The following HYCC1 variants were observed in gnomAD, a reference collection of about 807,000 sequenced individuals.
HYCC1 encodes hyccin.
At chr7:22,987,244 A>C in the HYCC1 span, among the ~76,000 whole-genome samples, 1 of 152,226 alleles carries the variant, frequency 6.6e-6, no homozygotes, top group African/African-American at 2.4e-5. Flanking sequence ...CTAATCATTT[A>C]GTTGGTACAT....
chr7:23,004,892 G>A, the HYCC1 span, among the ~76,000 whole-genome samples: 5 of 152,118 alleles, frequency 3.3e-5, no homozygotes, highest in Non-Finnish European at 7.4e-5. Flanking sequence ...TGCAACCAGT[G>A]CCTCCCGGGT....
the HYCC1 span, among the ~76,000 whole-genome samples, chr7:22,950,129 T>C: frequency 1.3e-5 from 2 of 152,086 alleles, no homozygotes; most frequent in Admixed American, 6.6e-5. Flanking sequence ...ACTGTCTTAC[T>C]GCTGTCCTGG....
the HYCC1 span, among the ~76,000 whole-genome samples, chr7:22,923,727 A>G: frequency 4.1e-4 from 62 of 152,316 alleles, no homozygotes; most frequent in African/African-American, 1.4e-3. Flanking sequence ...TACTGGCCTT[A>G]CAAAATAAAG....
the HYCC1 span, among the ~76,000 whole-genome samples, chr7:22,914,341 T>A: frequency 6.6e-6 from 1 of 152,116 alleles, no homozygotes; most frequent in Non-Finnish European, 1.5e-5. Context: ...GTCTCTACCC[T>A]CTCTTTTCTC....
chr7:22,988,174 C>G, the HYCC1 span, among the ~76,000 whole-genome samples: 2 of 152,118 alleles, frequency 1.3e-5, no homozygotes, highest in Non-Finnish European at 2.9e-5. Flanking sequence ...ATCAGGAATG[C>G]CTACCAAATT....
chr7:22,971,954 G>A, the HYCC1 span, among the ~76,000 whole-genome samples: 114 of 152,108 alleles, frequency 7.5e-4, 4 homozygotes, highest in South Asian at 0.022. Context: ...TTTACATACC[G>A]GTAAAAAGAA....
the HYCC1 span, among the ~76,000 whole-genome samples, chr7:22,985,965 T>C: frequency 6.7e-6 from 1 of 150,260 alleles, no homozygotes; most frequent in East Asian, 1.9e-4. Flanking sequence ...ACTATAAAAT[T>C]GAAGAATAAA....
At chr7:22,996,168 A>T in the HYCC1 span, among the ~76,000 whole-genome samples, 1 of 151,844 alleles carries the variant, frequency 6.6e-6, no homozygotes, top group East Asian at 1.9e-4. Flanking sequence ...TGGCATGTGC[A>T]GGTGATCCCA....
the HYCC1 span, among the ~76,000 whole-genome samples, chr7:22,930,776 T>G: frequency 6.6e-6 from 1 of 152,176 alleles, no homozygotes; most frequent in East Asian, 1.9e-4. Context: ...GTGTAAAGAA[T>G]TTTACACCAT....
At chr7:22,896,045 G>A in the HYCC1 span, among the ~76,000 whole-genome samples, 1 of 152,216 alleles carries the variant, frequency 6.6e-6, no homozygotes, top group African/African-American at 2.4e-5. Flanking sequence ...ATTTAAATAG[G>A]CTTTGCAAAT....
the HYCC1 span, among the ~76,000 whole-genome samples, chr7:22,998,899 T>C: frequency 6.6e-6 from 1 of 152,226 alleles, no homozygotes; most frequent in African/African-American, 2.4e-5. Flanking sequence ...TACTTAACAC[T>C]ATTCTCCAAA....
chr7:22,985,769 A>G, the HYCC1 span: 1 of 151,054 alleles, frequency 6.6e-6, no homozygotes, highest in African/African-American at 2.4e-5. Flanking sequence ...AATAACAGTC[A>G]AATAAACAGC....
chr7:22,997,996 TAAG>T, the HYCC1 span, among the ~76,000 whole-genome samples: 1 of 149,884 alleles, frequency 6.7e-6, no homozygotes, highest in Admixed American at 6.6e-5. Flanking sequence ...AATTAGAAGG[TAAG>T]AAGTTCTTTC....
At chr7:22,983,909 A>G in the HYCC1 span, 4 of 1,211,432 alleles carry the variant, frequency 3.3e-6, no homozygotes, top group Admixed American at 1.7e-5. Context: ...AATCAAGTCA[A>G]TACTGTTAGC....
the HYCC1 span, among the ~76,000 whole-genome samples, chr7:22,899,431 G>A: frequency 6.6e-6 from 1 of 152,132 alleles, no homozygotes; most frequent in African/African-American, 2.4e-5. Context: ...GTTAATGTAT[G>A]TATGTATTAA....
At chr7:22,960,280 T>G in the HYCC1 span, 18 of 1,613,812 alleles carry the variant, frequency 1.1e-5, no homozygotes, top group South Asian at 7.7e-5. Flanking sequence ...CTATGACCCC[T>G]TATTGACATG....
At chr7:22,929,295 T>A in the HYCC1 span, among the ~76,000 whole-genome samples, 6 of 152,248 alleles carry the variant, frequency 3.9e-5, no homozygotes, top group Non-Finnish European at 8.8e-5. Context: ...GGACTTCATG[T>A]CTAAAACACC....
the HYCC1 span, among the ~76,000 whole-genome samples, chr7:22,899,898 A>G: frequency 6.6e-6 from 1 of 152,094 alleles, no homozygotes; most frequent in Non-Finnish European, 1.5e-5. Context: ...CTTTACAGCA[A>G]AATAATCTGA....
At chr7:22,919,383 C>T in the HYCC1 span, among the ~76,000 whole-genome samples, 1 of 152,138 alleles carries the variant, frequency 6.6e-6, no homozygotes, top group South Asian at 2.1e-4. Flanking sequence ...ACAAAAATTA[C>T]CCAGGTGTGG....
Sources: allele counts gnomAD v4.1 joint callset (sites outside exome capture counted in the v4.1 genomes callset), GRCh38; gene constraint gnomAD v4.1.1; transcripts MANE v1.5; gene names NCBI Gene and HGNC (gene_info 2026-07-23, HGNC 2026-07-21).